The following PUDP variants were observed in gnomAD, a reference collection of about 807,000 sequenced individuals.
PUDP encodes the protein pseudouridine-5'-phosphatase.
A neutral mutation model predicts 9.4 loss-of-function variants in PUDP; 8 were observed. The observed-to-expected ratio is 0.85, with a 90% CI of 0.50 to 1.53. The LOEUF (loss-of-function observed/expected upper bound fraction) is 1.53, where lower values mean the gene tolerates loss of function less well. Ranked by LOEUF, PUDP falls within the 40% of genes most tolerant of loss-of-function variation. The pLI is 0.00. For missense variants in PUDP, 188 were observed against 189.7 expected (o/e 0.99, Z 0.05); for synonymous variants, 99 against 80.7 (o/e 1.23, Z -1.22).
chrX:7,069,722 C>G (rs2146856938), intron 3 of PUDP, among the ~76,000 whole-genome samples: 1 of 111,416 alleles, frequency 9.0e-6, no homozygotes, highest in Admixed American at 9.5e-5. Flanking sequence ...CAGCCCTCAG[C>G]CCTCATACAT....
chrX:7,050,325 C>T lies in PUDP; in HGVS notation c.658G>A (p.Glu220Lys), dbSNP rs765490594. The change falls in exon 4 of 4, where the codon GAG becomes AAG. Residue 220 changes from glutamate to lysine, a missense_variant. Transcript: ENST00000381077. ...TCATAGGAGGGCAAACCAAACAGCT[C>T]GGGCTGGAAGTCCTGCAGGGAATTC... ...VLNSLQDFQP[E>K]LFGLPSYE The T allele has an allele frequency of 5.3e-5, 64 of 1,209,404 alleles. No individual in the cohort carries two copies. Among genetic ancestry groups the T allele is most frequent in the Non-Finnish European group, 6.5e-5 (58 of 894,910 alleles).
chrX:6,722,830 A>G (rs1341587010), upstream of PUDP, among the ~76,000 whole-genome samples: 1 of 112,141 alleles, frequency 8.9e-6, no homozygotes, highest in African/African-American at 3.2e-5. Context: ...ATTTGTTCAA[A>G]CCCTAAAAAT....
At chrX:7,015,679 A>C (rs1929537150) in intron 1 of PUDP, among the ~76,000 whole-genome samples, 1 of 111,186 alleles carries the variant, frequency 9.0e-6, no homozygotes, top group Non-Finnish European at 1.9e-5. Context: ...GGACTCAAGC[A>C]ATCTGCCAGT....
chrX:6,867,024 G>T (rs1298917090), intron 3 of PUDP, among the ~76,000 whole-genome samples: 4 of 110,936 alleles, frequency 3.6e-5, no homozygotes, highest in East Asian at 2.9e-4. Context: ...TCAGAGGAAG[G>T]CTCCATACTC....
chrX:6,899,599 G>T (rs1008532389), intron 3 of PUDP, among the ~76,000 whole-genome samples: 1 of 110,940 alleles, frequency 9.0e-6, no homozygotes, highest in Admixed American at 9.7e-5. Context: ...GATTGTTATT[G>T]TAAGGATTTA....
intron 3 of PUDP, among the ~76,000 whole-genome samples, chrX:6,865,843 A>C (rs1485794073): frequency 8.9e-6 from 1 of 111,939 alleles, no homozygotes; most frequent in Non-Finnish European, 1.9e-5. Flanking sequence ...TTTATAGCTC[A>C]CAGTAAAATA....
chrX:6,776,944 A>T (rs1477692243), intron 3 of PUDP, among the ~76,000 whole-genome samples: 1 of 112,448 alleles, frequency 8.9e-6, no homozygotes, highest in African/African-American at 3.2e-5. Context: ...CAGAATCATA[A>T]TTACCAAATT....
chrX:6,934,294 C>T (rs1485674270), intron 3 of PUDP, among the ~76,000 whole-genome samples: 1 of 101,861 alleles, frequency 9.8e-6, no homozygotes, highest in Non-Finnish European at 2.0e-5. Flanking sequence ...TCAGCAGAAA[C>T]CCTACAAGCC....
At chrX:7,139,559 G>GCA (rs200714456) in intron 1 of PUDP, among the ~76,000 whole-genome samples, 1 of 109,577 alleles carries the variant, frequency 9.1e-6, no homozygotes, top group Non-Finnish European at 1.9e-5. Context: ...GACACAAGTG[G>GCA]GAGAGGGTTG....
At chrX:7,002,493 C>T (rs1929340507) in intron 1 of PUDP, among the ~76,000 whole-genome samples, 1 of 111,697 alleles carries the variant, frequency 9.0e-6, no homozygotes, top group Non-Finnish European at 1.9e-5. Flanking sequence ...AATCTGTTGC[C>T]ATGCTGTGAG....
chrX:7,127,917 GAAAT>G (rs1861810506), intron 1 of PUDP, among the ~76,000 whole-genome samples: 1 of 112,208 alleles, frequency 8.9e-6, no homozygotes, highest in Admixed American at 9.4e-5. Context: ...ACTCAACAAA[GAAAT>G]AAAATATATT....
In PUDP at chrX:6,761,067, C is replaced by T. The variant is rs964465571; in HGVS notation, c.*248-54601G>A. Among the ~76,000 whole-genome samples the T allele has an allele frequency of 4.5e-5, 5 of 111,532 alleles. No individual in the cohort carries two copies. The Admixed American group carries it at 4.8e-4, about 11-fold the overall frequency. ...GTTTGTTTTTTCCAGGACCCAGTTC[C>T]TTCATCTCAAGATCAGGTTAGAGCC... On this transcript the variant is annotated intron_variant and NMD_transcript_variant, in intron 3 of 3. Transcript: ENST00000655425.
chrX:6,801,166 A>C (rs1480580380), intron 3 of PUDP, among the ~76,000 whole-genome samples: 2 of 112,266 alleles, frequency 1.8e-5, no homozygotes, highest in Non-Finnish European at 3.8e-5. Flanking sequence ...GAAAAAGAAA[A>C]GGATATTGAA....
intron 3 of PUDP, among the ~76,000 whole-genome samples, chrX:6,914,678 T>A (rs968119414): frequency 2.7e-5 from 3 of 112,426 alleles, no homozygotes; most frequent in African/African-American, 9.7e-5. Context: ...TCTGTTTATG[T>A]GTCTCCTACA....
chrX:7,111,873 A>C (rs1055421651), intron 1 of PUDP, among the ~76,000 whole-genome samples: 5 of 111,404 alleles, frequency 4.5e-5, no homozygotes, highest in African/African-American at 1.6e-4. Context: ...TGCTTTTGTT[A>C]ACCGTGAGTT....
At chrX:6,900,563 A>AAGAGAGAGGGAAACGGAGAG (rs752801559) in intron 3 of PUDP, among the ~76,000 whole-genome samples, 1 of 105,280 alleles carries the variant, frequency 9.5e-6, no homozygotes, top group Non-Finnish European at 2.0e-5. Flanking sequence ...GAGGGAGAGA[A>AAGAGAGAGGGAAACGGAGAG]GGAGAGAGGG....
chrX:7,030,691 C>T lies in PUDP; in HGVS notation c.204+46529G>A, dbSNP rs189374460. Among the ~76,000 whole-genome samples, 3 of 111,243 alleles carry T rather than the reference C, an allele frequency of 2.7e-5. No individual in the cohort carries two copies. In the East Asian group the frequency reaches 8.6e-4, roughly 32 times the overall value. Reference sequence around the variant, plus strand: ...TTAGTCCCTCTGTAAACTGCCCTTCCTCATATGCAAGAGGCCATGGAATGT... The same window carrying T: ...TTAGTCCCTCTGTAAACTGCCCTTCTTCATATGCAAGAGGCCATGGAATGT... On this transcript the variant is annotated intron_variant and NMD_transcript_variant, in intron 1 of 3. Transcript: ENST00000655425.
intron 1 of PUDP, among the ~76,000 whole-genome samples, chrX:7,107,698 T>C (rs1372149049): frequency 8.9e-6 from 1 of 112,138 alleles, no homozygotes; most frequent in Admixed American, 9.4e-5. Context: ...CATGGTGGCA[T>C]GTGACTGTAA....
At chrX:7,147,307 A>C (rs1296225661) in intron 1 of PUDP, among the ~76,000 whole-genome samples, 6 of 111,591 alleles carry the variant, frequency 5.4e-5, no homozygotes, top group African/African-American at 2.0e-4. Flanking sequence ...CACCCTAGGC[A>C]GCCAGGCCAC....
Sources: allele counts gnomAD v4.1 joint callset (sites outside exome capture counted in the v4.1 genomes callset), GRCh38; gene constraint gnomAD v4.1.1; transcripts MANE v1.5; gene names NCBI Gene and HGNC (gene_info 2026-07-23, HGNC 2026-07-21).